The following SEMA5A variants were observed in gnomAD, a reference collection of about 807,000 sequenced individuals.
The protein encoded by SEMA5A is semaphorin-5A.
Under a neutral mutation model 135.5 loss-of-function variants are expected in SEMA5A, and 55 were observed. The ratio of observed to expected loss-of-function variants is 0.41; its 90% CI spans 0.33 to 0.51. The LOEUF is 0.51. Ranked by LOEUF, SEMA5A falls within the 20% of genes least tolerant of loss-of-function variation. The pLI, the probability that SEMA5A is intolerant of heterozygous loss-of-function variation, is 0.37. For synonymous variants in SEMA5A, 580 were observed against 546.5 expected (o/e 1.06, Z -0.85); for missense variants, 1,290 against 1,419.9 (o/e 0.91, Z 1.47).
At chr5:9,196,012 C>A (rs944903145) in intron 10 of SEMA5A, among the ~76,000 whole-genome samples, 1 of 152,272 alleles carries the variant, frequency 6.6e-6, no homozygotes, top group African/African-American at 2.4e-5. Context: ...CTGTCTTTCC[C>A]TGCACATGGA....
chr5:9,511,462 A>G (rs947211552), intron 1 of SEMA5A: 4 of 152,212 alleles, frequency 2.6e-5, no homozygotes, highest in Non-Finnish European at 1.5e-5. Context: ...GGGCAGTATC[A>G]TTTCATGCTA....
At chr5:9,379,587 G>A (rs1755505123) in intron 3 of SEMA5A, among the ~76,000 whole-genome samples, 1 of 152,216 alleles carries the variant, frequency 6.6e-6, no homozygotes, top group Non-Finnish European at 1.5e-5. Context: ...CAGAAATAAT[G>A]AGATTTTTTT....
intron 5 of SEMA5A, among the ~76,000 whole-genome samples, chr5:9,309,533 G>T (rs1042821002): frequency 6.6e-6 from 1 of 152,106 alleles, no homozygotes; most frequent in Admixed American, 6.6e-5. Context: ...TCCTCCACTC[G>T]AATTTGTCTT....
chr5:9,285,093 T>A (rs3797976), intron 5 of SEMA5A, among the ~76,000 whole-genome samples: 127,754 of 152,158 alleles, frequency 0.84, 53,726 homozygotes, highest in South Asian at 0.9. Context: ...TCAAGCCTCC[T>A]ACACTTTTTG....
In SEMA5A at chr5:9,040,147, A is replaced by G. The variant is rs1006293871; in HGVS notation, c.*2750T>C. The G allele has an allele frequency of 6.6e-6, 1 of 152,248 alleles. No homozygotes were observed. Among genetic ancestry groups the G allele is most frequent in the Non-Finnish European group, 1.5e-5 (1 of 68,052 alleles). The allele number at this position is 152,248 out of a possible 1,614,324, so 9.4% of individuals were successfully genotyped here. A position where few individuals can be genotyped will look rare whatever the true frequency, so the allele number is the denominator to read the frequency against. On this transcript the variant is annotated 3_prime_UTR_variant, in exon 23 of 23. Coordinates refer to ENST00000382496, the MANE Select transcript of SEMA5A (RefSeq NM_003966.3). ...GTTTTTGTTCCACTTGTACCAAGAA[A>G]ATAGGAAGAAAGGAAGAATTAAAGA...
At chr5:9,170,377 A>G (rs1422057007) in intron 11 of SEMA5A, among the ~76,000 whole-genome samples, 1 of 152,214 alleles carries the variant, frequency 6.6e-6, no homozygotes, top group Non-Finnish European at 1.5e-5. Flanking sequence ...ACTACCCAAC[A>G]TGTACATGTT....
chr5:9,154,845 A>C, intron 11 of SEMA5A, 150 bp from the exon 12 acceptor site: 1 of 670,982 alleles, frequency 1.5e-6, no homozygotes, highest in Non-Finnish European at 2.6e-6. Flanking sequence ...CCTGGACACC[A>C]CTGCAGACCA....
chr5:9,285,376 G>A (rs977586713), intron 5 of SEMA5A, among the ~76,000 whole-genome samples: 3 of 152,050 alleles, frequency 2.0e-5, no homozygotes, highest in Non-Finnish European at 2.9e-5. Context: ...ACTGGGCCGT[G>A]AACCCGCCAA....
At chr5:9,090,032 C>T (rs539295443) in intron 16 of SEMA5A, among the ~76,000 whole-genome samples, 1 of 152,154 alleles carries the variant, frequency 6.6e-6, no homozygotes, top group Non-Finnish European at 1.5e-5. Flanking sequence ...TGTGTGTATA[C>T]ATGTGTAATT....
At chr5:9,244,264 C>T (rs1579697717) in intron 5 of SEMA5A, among the ~76,000 whole-genome samples, 1 of 152,306 alleles carries the variant, frequency 6.6e-6, no homozygotes, top group East Asian at 1.9e-4. Context: ...CCGGGGCTTC[C>T]CACACCTCCT....
At position 9,380,041 on chromosome 5, in the gene SEMA5A, G is replaced by C. The variant is rs1225535998; in HGVS notation, c.-77-18C>G. On this transcript the variant is annotated intron_variant, in intron 2 of 22. Transcript: ENST00000382496. ...GAAAGTGCCTAAAACACACAAAAGA[G>C]AAGAATCAGATGACTGTGAGTTCGT... 6.2e-6 allele frequency: 9 copies of C among 1,458,050 alleles called. No homozygotes were observed. Among genetic ancestry groups the C allele is most frequent in the Non-Finnish European group, 8.2e-6 (9 of 1,091,574 alleles). 90.3% of individuals were successfully genotyped at this position (1,458,050 alleles called of 1,614,324 possible).
chr5:9,347,134 A>C (rs1164986729), intron 3 of SEMA5A, among the ~76,000 whole-genome samples: 2 of 152,246 alleles, frequency 1.3e-5, no homozygotes, highest in Non-Finnish European at 2.9e-5. Flanking sequence ...AGCAGGAAGC[A>C]TAAAGCATCT....
At chr5:9,200,780 C>T (rs935521357) in intron 9 of SEMA5A, among the ~76,000 whole-genome samples, 3 of 152,094 alleles carry the variant, frequency 2.0e-5, no homozygotes, top group African/African-American at 7.2e-5. Context: ...AAATAAGCTG[C>T]AGGTAAAGGG....
At chr5:9,218,759 A>G (rs2150402428) in intron 8 of SEMA5A, among the ~76,000 whole-genome samples, 1 of 152,358 alleles carries the variant, frequency 6.6e-6, no homozygotes, top group African/African-American at 2.4e-5. Flanking sequence ...TGGAAGTCAC[A>G]AGATTAGATG....
At position 9,337,366 on chromosome 5, in the gene SEMA5A, C is replaced by A. The variant is rs115930041; in HGVS notation, c.224+347G>T. ...AGGTCCATCTTTTCTTAGGCATATGCCCCGGACAACTTATTTATCTACTTC... is the reference window on the plus strand; with the variant it reads ...AGGTCCATCTTTTCTTAGGCATATGACCCGGACAACTTATTTATCTACTTC... On this transcript the variant is annotated intron_variant, in intron 4 of 22. Coordinates refer to ENST00000382496, the MANE Select transcript of SEMA5A (RefSeq NM_003966.3). Among the ~76,000 whole-genome samples, 344 of 152,248 alleles carry A rather than the reference C, an allele frequency of 2.3e-3. 1 individual carries two copies. The highest frequency in any genetic ancestry group is 7.8e-3 in the African/African-American group (323 of 41,548).
intron 2 of SEMA5A, among the ~76,000 whole-genome samples, chr5:9,434,219 A>T (rs1010485787): frequency 6.6e-6 from 1 of 152,208 alleles, no homozygotes; most frequent in Non-Finnish European, 1.5e-5. Flanking sequence ...ATTTGCAATA[A>T]TATGAGAAAG....
chr5:9,428,332 C>T (rs1757741351), intron 2 of SEMA5A, among the ~76,000 whole-genome samples: 1 of 152,092 alleles, frequency 6.6e-6, no homozygotes. Flanking sequence ...GACAGTCATG[C>T]TGTGCTGCGC....
intron 5 of SEMA5A, among the ~76,000 whole-genome samples, chr5:9,291,406 G>A (rs1375493897): frequency 6.6e-6 from 1 of 152,180 alleles, no homozygotes; most frequent in Non-Finnish European, 1.5e-5. Context: ...TGACCGAAGA[G>A]CTCCTTTGCC....
intron 11 of SEMA5A, among the ~76,000 whole-genome samples, chr5:9,155,607 G>T (rs1202223574): frequency 6.6e-6 from 1 of 152,132 alleles, no homozygotes; most frequent in Non-Finnish European, 1.5e-5. Flanking sequence ...GGCCCTGACT[G>T]AATAAAACCT....
Sources: gnomAD v4.1 joint callset for allele counts (sites outside exome capture counted in the v4.1 genomes callset) on GRCh38, gnomAD v4.1.1 for gene constraint, MANE v1.5 for transcripts, NCBI Gene and HGNC (gene_info 2026-07-23, HGNC 2026-07-21) for gene names.